The following SLC35A3 variants were observed in gnomAD, a reference collection of about 807,000 sequenced individuals.
SLC35A3 encodes the protein UDP-N-acetylglucosamine transporter.
SLC35A3 carries 26 observed loss-of-function variants against 39.0 expected under a neutral mutation model. The observed-to-expected ratio is 0.67, with a 90% CI of 0.49 to 0.92. The LOEUF is 0.92. SLC35A3 is among the 40% of genes least tolerant of loss of function. The pLI is 0.00. For missense variants in SLC35A3, 299 were observed against 371.6 expected (o/e 0.80, Z 1.61); for synonymous variants, 135 against 133.1 (o/e 1.01, Z -0.10).
At chr1:99,974,882 C>G (rs1295368082) in intron 1 of SLC35A3, 1 of 152,064 alleles carries the variant, frequency 6.6e-6, no homozygotes, top group African/African-American at 2.4e-5. Context: ...TTTTACTTCT[C>G]TCATGAAGTA....
intron 1 of SLC35A3, among the ~76,000 whole-genome samples, chr1:99,984,162 T>C (rs962730696): frequency 6.6e-6 from 1 of 152,186 alleles, no homozygotes; most frequent in Non-Finnish European, 1.5e-5. Context: ...TGAGAAATCA[T>C]ATGAAATATT....
rs1553204463 is a variant in SLC35A3, at chr1:100,017,821, AT to A, written c.887+7del. 3.9e-6 allele frequency: 6 copies of A among 1,539,502 alleles called. No individual in the cohort carries two copies. Among genetic ancestry groups the A allele is most frequent in the Non-Finnish European group, 5.2e-6 (6 of 1,144,008 alleles). The stretch of plus-strand genomic sequence containing the variant: ...CAAGATTTTGTGCCAACCAGGTAAA[AT>A]GTTCTTTTCTATTTTTTTAAATCCC... On this transcript the variant is annotated splice_region_variant and intron_variant, in intron 7 of 7. Coordinates refer to ENST00000533028, the MANE Select transcript of SLC35A3 (RefSeq NM_012243.3).
intron 1 of SLC35A3, among the ~76,000 whole-genome samples, chr1:99,984,938 T>A (rs1166576395): frequency 1.3e-5 from 2 of 152,182 alleles, no homozygotes; most frequent in Admixed American, 1.3e-4. Flanking sequence ...GATTCTTTGT[T>A]TTTTTCTTGC....
intron 1 of SLC35A3, among the ~76,000 whole-genome samples, chr1:99,977,183 C>T (rs1657156134): frequency 6.6e-6 from 1 of 151,858 alleles, no homozygotes; most frequent in Non-Finnish European, 1.5e-5. Flanking sequence ...CCCTTCTATG[C>T]TTTATTTATT....
chr1:100,034,738 G>T lies in SLC35A3; in HGVS notation c.*12262G>T, dbSNP rs1320876834. 2.0e-5 allele frequency: 3 copies of T among 151,814 alleles called. No individual in the cohort carries two copies. The highest frequency in any genetic ancestry group is 2.9e-5 in the Non-Finnish European group (2 of 67,944). 9.4% of individuals were successfully genotyped at this position (151,814 alleles called of 1,614,324 possible). ...TAATAAATTGTGCATGGTGGGGGTG[G>T]GATTTGGATTCTGTGATACAATCTT... On this transcript the variant is annotated 3_prime_UTR_variant, in exon 8 of 8. Transcript: ENST00000533028.
chr1:99,989,021 A>C (rs1351992051), intron 1 of SLC35A3, among the ~76,000 whole-genome samples: 1 of 152,066 alleles, frequency 6.6e-6, no homozygotes, highest in Non-Finnish European at 1.5e-5. Flanking sequence ...TCAGCCTCCC[A>C]AAGTGCTGTT....
Position 100,030,266 on chromosome 1 carries a change from A to G in SLC35A3, c.*7790A>G, listed in dbSNP as rs1385951878. The G allele has an allele frequency of 6.6e-6, 1 of 152,270 alleles. No individual in the cohort carries two copies. The highest frequency in any genetic ancestry group is 1.9e-4 in the East Asian group (1 of 5,206). The allele number at this position is 152,270 out of a possible 1,614,324, so 9.4% of individuals were successfully genotyped here. On this transcript the variant is annotated 3_prime_UTR_variant, in exon 8 of 8. Transcript: ENST00000533028. The stretch of plus-strand genomic sequence containing the variant: ...TGGAAATATACAGTTTATCTTAGAT[A>G]TACACTTTCCTCATTTTAAAGGTAG...
intron 2 of SLC35A3, among the ~76,000 whole-genome samples, chr1:99,998,155 CTTTT>C: frequency 7.5e-6 from 1 of 133,708 alleles, no homozygotes; most frequent in Middle Eastern, 3.8e-3. Context: ...AGTCACATTT[CTTTT>C]TTTTTTTTTT....
chr1:100,014,000 G>A (rs917197888), intron 5 of SLC35A3, among the ~76,000 whole-genome samples: 2 of 152,036 alleles, frequency 1.3e-5, no homozygotes, highest in Non-Finnish European at 2.9e-5. Flanking sequence ...TAATAGCCTC[G>A]CAATGCTTCT....
rs1661187618 is a variant in SLC35A3 at position 100,031,159 on chromosome 1, A to G, written c.*8683A>G. 1 of 152,180 alleles carries G rather than the reference A, an allele frequency of 6.6e-6. No individual in the cohort carries two copies. The highest frequency in any genetic ancestry group is 2.4e-5 in the African/African-American group (1 of 41,434). 9.4% of individuals were successfully genotyped at this position (152,180 alleles called of 1,614,324 possible). A position where few individuals can be genotyped will look rare whatever the true frequency, so the allele number is the denominator to read the frequency against. ...AATCATGCTATGACAGATTGTGCCA[A>G]TTTAGCTTTAAAAAACTCATGGGCT... is the stretch of plus-strand genomic sequence containing the variant. On this transcript the variant is annotated 3_prime_UTR_variant, in exon 8 of 8. Coordinates refer to ENST00000533028, the MANE Select transcript of SLC35A3 (RefSeq NM_012243.3).
intron 7 of SLC35A3, among the ~76,000 whole-genome samples, chr1:100,021,145 TTGA>T (rs1660507826): frequency 6.6e-6 from 1 of 151,916 alleles, no homozygotes; most frequent in African/African-American, 2.4e-5. Flanking sequence ...GGCAGATCAC[TTGA>T]GGTTAGGAGT....
chr1:99,993,446 C>T (rs1658203604), intron 1 of SLC35A3, 91 bp from the exon 2 acceptor site: 4 of 989,044 alleles, frequency 4.0e-6, no homozygotes, highest in Non-Finnish European at 5.9e-6. Context: ...GACCTGCAGG[C>T]CCTCTCCCTT....
At chr1:100,018,807 A>T (rs1160664374) in intron 7 of SLC35A3, among the ~76,000 whole-genome samples, 1 of 152,158 alleles carries the variant, frequency 6.6e-6, no homozygotes, top group Non-Finnish European at 1.5e-5. Context: ...GTGAAATAGG[A>T]TTATGGATGG....
chr1:99,974,155 GT>G (rs897288931), intron 1 of SLC35A3, among the ~76,000 whole-genome samples: 2 of 151,828 alleles, frequency 1.3e-5, no homozygotes, highest in African/African-American at 2.4e-5. Context: ...AGTTATGTAA[GT>G]TTTTTTTCTA....
rs964860259 is a variant in SLC35A3, at chr1:100,031,116, T to C, written c.*8640T>C. The C allele has an allele frequency of 6.6e-6, 1 of 152,224 alleles. No individual in the cohort carries two copies. The highest frequency in any genetic ancestry group is 1.5e-5 in the Non-Finnish European group (1 of 68,040). The allele number at this position is 152,224 out of a possible 1,614,324, so 9.4% of individuals were successfully genotyped here. A position where few individuals can be genotyped will look rare whatever the true frequency, so the allele number is the denominator to read the frequency against. ...TTTCAATGTTTTGTTTTTATAATATTGCCATTTTAATGGCTTCAATCATGC... is the reference window on the plus strand; with the variant it reads ...TTTCAATGTTTTGTTTTTATAATATCGCCATTTTAATGGCTTCAATCATGC... On this transcript the variant is annotated 3_prime_UTR_variant, in exon 8 of 8. Transcript: ENST00000533028.
At chr1:99,978,114 T>C (rs928690604) in intron 1 of SLC35A3, among the ~76,000 whole-genome samples, 10 of 152,242 alleles carry the variant, frequency 6.6e-5, no homozygotes, top group African/African-American at 2.4e-4. Flanking sequence ...TATCTGATTA[T>C]ATGTTATTAA....
intron 1 of SLC35A3, among the ~76,000 whole-genome samples, chr1:99,987,756 T>C (rs111697511): frequency 6.6e-6 from 1 of 152,158 alleles, no homozygotes; most frequent in Admixed American, 6.5e-5. Flanking sequence ...GGTAGCTTGA[T>C]AGCTTGGGCT....
Position 99,973,083 on chromosome 1 carries a change from C to T in SLC35A3, c.-19+2921C>T, listed in dbSNP as rs547232805. Among the ~76,000 whole-genome samples the T allele has an allele frequency of 2.0e-5, 3 of 152,280 alleles. No homozygotes were observed. The East Asian group carries it at 5.8e-4, about 29-fold the overall frequency. ...GTTACAGAATCAATGGAAAGAATCTCGTTTGAAAGCCTAAACTTGTTCAGT... is the reference window on the plus strand; with the variant it reads ...GTTACAGAATCAATGGAAAGAATCTTGTTTGAAAGCCTAAACTTGTTCAGT... On this transcript the variant is annotated intron_variant, in intron 1 of 7. Transcript: ENST00000533028.
intron 3 of SLC35A3, among the ~76,000 whole-genome samples, chr1:100,003,515 G>A (rs188697325): frequency 6.6e-6 from 1 of 150,384 alleles, no homozygotes; most frequent in Non-Finnish European, 1.5e-5. Flanking sequence ...TTAAAGATTT[G>A]TTGAGACTTA....
Sources: allele counts gnomAD v4.1 joint callset (sites outside exome capture counted in the v4.1 genomes callset), GRCh38; gene constraint gnomAD v4.1.1; transcripts MANE v1.5; gene names NCBI Gene and HGNC (gene_info 2026-07-23, HGNC 2026-07-21).